Variants in PRKN observed in about 807,000 individuals in gnomAD.
PRKN encodes parkin RBR E3 ubiquitin protein ligase, also known as E3 ubiquitin-protein ligase parkin.
PRKN carries 56 observed loss-of-function variants against 59.5 expected under a neutral mutation model. That is an observed-to-expected ratio of 0.94 (90% CI 0.76 to 1.18). The LOEUF (loss-of-function observed/expected upper bound fraction) is 1.18, where lower values mean the gene tolerates loss of function less well. Ranked by LOEUF, PRKN falls within the 50% of genes most tolerant of loss-of-function variation. PRKN has a pLI of 0.00. For missense variants in PRKN, 657 were observed against 596.4 expected, an observed-to-expected ratio of 1.10 and a Z score of -1.06; for synonymous variants, 250 against 222.1, an observed-to-expected ratio of 1.13 and a Z score of -1.12.
chr6:161,427,063 T>C (rs979566116), intron 9 of PRKN, among the ~76,000 whole-genome samples: 7 of 151,380 alleles, frequency 4.6e-5, no homozygotes, highest in African/African-American at 1.7e-4. Context: ...TGGTCCACCA[T>C]GTGGGAGTGC....
intron 6 of PRKN, among the ~76,000 whole-genome samples, chr6:161,904,309 G>GTTTTTT (rs1025317025): frequency 2.1e-4 from 15 of 72,570 alleles, no homozygotes; most frequent in African/African-American, 5.9e-4. Context: ...AATTTGTGGG[G>GTTTTTT]TTTTTTTTTT....
chr6:162,079,567 C>T (rs1231611103), intron 4 of PRKN, among the ~76,000 whole-genome samples: 1 of 152,056 alleles, frequency 6.6e-6, no homozygotes, highest in Non-Finnish European at 1.5e-5. Flanking sequence ...CTGCCCATCC[C>T]CTGTTTAAAC....
At chr6:161,367,559 T>G (rs771969881) in intron 10 of PRKN, among the ~76,000 whole-genome samples, 23 of 152,092 alleles carry the variant, frequency 1.5e-4, no homozygotes, top group Admixed American at 2.6e-4. Flanking sequence ...TTATCTAACT[T>G]AGAAGTCAAA....
At chr6:162,456,056 T>G (rs1790857089) in intron 1 of PRKN, among the ~76,000 whole-genome samples, 1 of 152,178 alleles carries the variant, frequency 6.6e-6, no homozygotes, top group Non-Finnish European at 1.5e-5. Context: ...GGTTATAAAT[T>G]GACAGATCAC....
At chr6:162,717,477 G>A (rs1374904694) in intron 1 of PRKN, among the ~76,000 whole-genome samples, 1 of 151,704 alleles carries the variant, frequency 6.6e-6, no homozygotes, top group East Asian at 1.9e-4. Flanking sequence ...CCAGCTATTC[G>A]GGAAGTTGAG....
At position 161,552,365 on chromosome 6, in the gene PRKN, G is replaced by C. The variant is rs1264107411; in HGVS notation, c.934-3362C>G. ...GAATGATCTCACGGTGATCCTCCAAGCCCCTCTCCCTCAGCTCTGTTCACC... is the reference window on the plus strand; with the variant it reads ...GAATGATCTCACGGTGATCCTCCAACCCCCTCTCCCTCAGCTCTGTTCACC... On this transcript the variant is annotated intron_variant, in intron 8 of 11. Transcript: ENST00000366898. The surrounding 1 kb of genome is among the most constrained non-coding windows in gnomAD (Gnocchi z 4.9). 6.6e-5 allele frequency among the ~76,000 whole-genome samples: 9 copies of C among 136,352 alleles called. No homozygotes were observed. Among genetic ancestry groups the C allele is most frequent in the Non-Finnish European group, 1.2e-4 (8 of 64,658 alleles). 89.5% of individuals were successfully genotyped at this position (136,352 alleles called of 152,430 possible).
chr6:162,517,093 A>G (rs2128192324), intron 1 of PRKN, among the ~76,000 whole-genome samples: 1 of 152,046 alleles, frequency 6.6e-6, no homozygotes, highest in African/African-American at 2.4e-5. Flanking sequence ...AAGAATACAG[A>G]TATCTTCCTG....
chr6:162,259,711 A>G (rs546354835), intron 3 of PRKN, among the ~76,000 whole-genome samples: 10 of 152,316 alleles, frequency 6.6e-5, no homozygotes, highest in African/African-American at 2.4e-4. Flanking sequence ...CATTCGCTCT[A>G]AAAGCTAAAT....
At chr6:161,940,708 A>C (rs904544019) in intron 6 of PRKN, among the ~76,000 whole-genome samples, 22 of 152,206 alleles carry the variant, frequency 1.4e-4, no homozygotes, top group African/African-American at 4.8e-4. Flanking sequence ...ATCCTGAAAA[A>C]GAAGAGCCGG....
intron 1 of PRKN, among the ~76,000 whole-genome samples, chr6:162,451,204 T>C (rs1475600519): frequency 6.6e-6 from 1 of 151,932 alleles, no homozygotes; most frequent in Non-Finnish European, 1.5e-5. Flanking sequence ...TTATAATGTC[T>C]GCGATATAAT....
intron 2 of PRKN, among the ~76,000 whole-genome samples, chr6:162,431,167 C>G (rs1789504920): frequency 7.2e-6 from 1 of 138,948 alleles, no homozygotes; most frequent in Non-Finnish European, 1.5e-5. Context: ...TGCATTTATC[C>G]CATTTAGTTG....
chr6:162,380,492 CACACATATATATGTGT>C (rs1786410702), intron 2 of PRKN, among the ~76,000 whole-genome samples: 1 of 23,776 alleles, frequency 4.2e-5, no homozygotes, highest in East Asian at 1.3e-3. Flanking sequence ...TGTATATATA[CACACATATATATGTGT>C]GTATATATAT....
At chr6:162,663,481 T>C (rs1195449107) in intron 1 of PRKN, among the ~76,000 whole-genome samples, 1 of 151,926 alleles carries the variant, frequency 6.6e-6, no homozygotes, top group Non-Finnish European at 1.5e-5. Flanking sequence ...GTAAAAGCCA[T>C]CTTGAAACTG....
intron 5 of PRKN, among the ~76,000 whole-genome samples, chr6:162,017,605 T>C (rs1027203186): frequency 1.3e-5 from 2 of 152,224 alleles, no homozygotes; most frequent in African/African-American, 4.8e-5. Context: ...TAACATTTCA[T>C]GCGATCATTC....
intron 7 of PRKN, among the ~76,000 whole-genome samples, chr6:161,602,902 A>C (rs1292652047): frequency 6.6e-6 from 1 of 152,202 alleles, no homozygotes; most frequent in Non-Finnish European, 1.5e-5. Flanking sequence ...ATACATAAAC[A>C]AATATTTAAG....
rs148859159 is a variant in PRKN at position 161,987,190 on chromosome 6, A to G, written c.619-13773T>C. Among the ~76,000 whole-genome samples the G allele has an allele frequency of 2.1e-3, 320 of 152,366 alleles. 3 individuals carry two copies. Among genetic ancestry groups the G allele is most frequent in the African/African-American group, 6.8e-3 (281 of 41,596 alleles). On this transcript the variant is annotated intron_variant, in intron 5 of 11. Coordinates refer to ENST00000366898, the MANE Select transcript of PRKN (RefSeq NM_004562.3). ...TACTTTATTTCCTCATTAGGAAAAG[A>G]AGAAAATAAAATGTAATTTGTAAAT...
intron 4 of PRKN, among the ~76,000 whole-genome samples, chr6:162,199,943 C>T (rs536501818): frequency 1.3e-5 from 2 of 152,250 alleles, no homozygotes; most frequent in South Asian, 2.1e-4. Flanking sequence ...ATGAAATGCG[C>T]CTTAATTAGC....
At chr6:162,317,852 C>T (rs1782816269) in intron 2 of PRKN, among the ~76,000 whole-genome samples, 1 of 151,982 alleles carries the variant, frequency 6.6e-6, no homozygotes, top group African/African-American at 2.4e-5. Context: ...TGGCTGGCTA[C>T]ATTCAGTTCA....
intron 2 of PRKN, among the ~76,000 whole-genome samples, chr6:162,321,728 C>G (rs1227801813): frequency 6.6e-6 from 1 of 151,782 alleles, no homozygotes; most frequent in South Asian, 2.1e-4. Flanking sequence ...ACATAATTTA[C>G]CATGGTAAGA....
Sources: gnomAD v4.1 joint callset for allele counts (sites outside exome capture counted in the v4.1 genomes callset) on GRCh38, gnomAD v4.1.1 for gene constraint, Gnocchi (gnomAD v3.1) non-coding constraint, MANE v1.5 for transcripts, NCBI Gene and HGNC (gene_info 2026-07-23, HGNC 2026-07-21) for gene names.